NEK10: variants seen among roughly 807,000 people sequenced by gnomAD.
NEK10 encodes the protein NIMA related kinase 10.
In NEK10, 122 loss-of-function variants were observed where a neutral mutation model predicts 159.8. The observed-to-expected ratio is 0.76, with a 90% CI of 0.66 to 0.89. The LOEUF (loss-of-function observed/expected upper bound fraction) is 0.89, where lower values mean the gene tolerates loss of function less well. Among genes scored for constraint, NEK10 ranks in the 40% least tolerant of loss-of-function variants. The pLI is 0.00. For missense variants in NEK10, 1,342 were observed against 1,323.1 expected (o/e 1.01, Z -0.22); for synonymous variants, 466 against 457.1 (o/e 1.02, Z -0.25).
chr3:27,288,057 A>G (rs994072457), intron 19 of NEK10, among the ~76,000 whole-genome samples: 1 of 152,216 alleles, frequency 6.6e-6, no homozygotes, highest in Non-Finnish European at 1.5e-5. Context: ...TTCCTTTAGC[A>G]CACCTTGTCA....
At chr3:27,192,806 C>T (rs1337723162) in intron 25 of NEK10, among the ~76,000 whole-genome samples, 3 of 152,178 alleles carry the variant, frequency 2.0e-5, no homozygotes, top group Non-Finnish European at 4.4e-5. Context: ...AAATGACCTT[C>T]GTTCTCCTAG....
rs200939288 is a variant in NEK10 at position 27,262,132 on chromosome 3, TTTTC to T, written c.2015-5765_2015-5762del. 8.6e-3 allele frequency among the ~76,000 whole-genome samples: 1,311 copies of T among 152,284 alleles called. 19 individuals carry two copies. Among genetic ancestry groups the T allele is most frequent in the African/African-American group, 0.029 (1,203 of 41,560 alleles). ...CTATGAAATTCTGGGTTGAAAATTC[TTTTC>T]TTTAAGAATGTTGAATATTGGCCCC... On this transcript the variant is annotated intron_variant, in intron 22 of 35. Transcript: ENST00000691995.
chr3:27,262,558 T>C (rs2040508983), intron 22 of NEK10, among the ~76,000 whole-genome samples: 1 of 152,206 alleles, frequency 6.6e-6, no homozygotes, highest in South Asian at 2.1e-4. Flanking sequence ...TCTAAACTTC[T>C]CTTCTCGCTT....
At chr3:27,243,429 C>T (rs1448897773) in intron 23 of NEK10, among the ~76,000 whole-genome samples, 3 of 151,888 alleles carry the variant, frequency 2.0e-5, no homozygotes, top group African/African-American at 7.3e-5. Flanking sequence ...GGTAATTTCA[C>T]TTTCATATTT....
At chr3:27,211,164 A>G (rs1243978536) in intron 23 of NEK10, among the ~76,000 whole-genome samples, 1 of 152,234 alleles carries the variant, frequency 6.6e-6, no homozygotes, top group Non-Finnish European at 1.5e-5. Flanking sequence ...GGATCAGTGG[A>G]CATTGACAGA....
rs572454509 is a variant in NEK10 at position 27,122,756 on chromosome 3, G to T, written c.3082-2888C>A. Among the ~76,000 whole-genome samples, 7 of 152,198 alleles carry T rather than the reference G, an allele frequency of 4.6e-5. No individual in the cohort carries two copies. In the South Asian group the frequency reaches 1.5e-3, roughly 32 times the overall value. On this transcript the variant is annotated intron_variant, in intron 32 of 35. Transcript: ENST00000691995. ...ACCTTGGAATTCTAAAGATTTCAAAGACAGAAAGATATTTAAAGCCTCAAA... is the reference window on the plus strand; with the variant it reads ...ACCTTGGAATTCTAAAGATTTCAAATACAGAAAGATATTTAAAGCCTCAAA...
chr3:27,178,955 A>G (rs909051368), intron 26 of NEK10, among the ~76,000 whole-genome samples: 1 of 152,172 alleles, frequency 6.6e-6, no homozygotes, highest in African/African-American at 2.4e-5. Context: ...TTTTTTAGAA[A>G]TAGGTTCTCA....
intron 30 of NEK10, among the ~76,000 whole-genome samples, chr3:27,156,364 A>C (rs1299010871): frequency 6.6e-6 from 1 of 152,180 alleles, no homozygotes; most frequent in Non-Finnish European, 1.5e-5. Flanking sequence ...GTAAACAGAC[A>C]ACCCACAGAG....
At chr3:27,123,024 T>C (rs565174957) in intron 32 of NEK10, among the ~76,000 whole-genome samples, 1 of 152,312 alleles carries the variant, frequency 6.6e-6, no homozygotes, top group South Asian at 2.1e-4. Flanking sequence ...ACTTTCATTC[T>C]AGGAACTTCC....
intron 1 of NEK10, among the ~76,000 whole-genome samples, chr3:27,355,511 G>T (rs902173639): frequency 6.6e-6 from 1 of 151,808 alleles, no homozygotes; most frequent in African/African-American, 2.4e-5. Flanking sequence ...AAAGTTCAGG[G>T]GACATTCTTG....
At chr3:27,264,937 T>TA (rs771327030) in intron 22 of NEK10, among the ~76,000 whole-genome samples, 7 of 142,280 alleles carry the variant, frequency 4.9e-5, no homozygotes, top group Non-Finnish European at 6.2e-5. Flanking sequence ...AATAAATAAA[T>TA]AATAATTTTA....
At chr3:27,339,373 C>CA (rs891744342) in intron 5 of NEK10, among the ~76,000 whole-genome samples, 1 of 152,066 alleles carries the variant, frequency 6.6e-6, no homozygotes, top group African/African-American at 2.4e-5. Flanking sequence ...ACAACCCTAT[C>CA]AAAAAATGGG....
At chr3:27,215,943 G>GC (rs1213209154) in intron 23 of NEK10, 2 of 590,776 alleles carry the variant, frequency 3.4e-6, no homozygotes, top group Non-Finnish European at 6.2e-6. Flanking sequence ...GGAGAAATTC[G>GC]CCCCCATAAT....
Position 27,283,756 on chromosome 3 carries a change from A to C in NEK10, c.2014+846T>G, listed in dbSNP as rs557582550. Among the ~76,000 whole-genome samples the C allele has an allele frequency of 2.6e-5, 4 of 152,306 alleles. No homozygotes were observed. In the East Asian group the frequency reaches 7.7e-4, roughly 29 times the overall value. ...ACATCAGGCCTACCTGCTACAGATG[A>C]AGTAAATTGTGATAAAAACTCTATG... On this transcript the variant is annotated intron_variant, in intron 22 of 35. Coordinates refer to ENST00000691995, the MANE Select transcript of NEK10 (RefSeq NM_001394966.1).
At chr3:27,307,095 C>T (rs2044304469) in intron 11 of NEK10, among the ~76,000 whole-genome samples, 1 of 152,184 alleles carries the variant, frequency 6.6e-6, no homozygotes, top group South Asian at 2.1e-4. Context: ...ATATTTATAA[C>T]TTATTCATCT....
At chr3:27,285,002 A>C (rs759935903) in intron 20 of NEK10, 41 bp from the exon 21 acceptor site, 2 of 1,510,446 alleles carry the variant, frequency 1.3e-6, no homozygotes, top group South Asian at 1.2e-5. Context: ...TTTAAACTCA[A>C]TACAGGCATC....
chr3:27,310,341 G>C (rs2044592041), intron 9 of NEK10: 1 of 152,070 alleles, frequency 6.6e-6, no homozygotes, highest in Non-Finnish European at 1.5e-5. Context: ...AAAAAATGTT[G>C]ACCTGTGTAT....
chr3:27,202,396 A>G, intron 24 of NEK10, 32 bp downstream of exon 24: 1 of 1,583,618 alleles, frequency 6.3e-7, no homozygotes, highest in Middle Eastern at 1.7e-4. Context: ...TTTTAGCTAC[A>G]CGAGACCCTT....
intron 23 of NEK10, among the ~76,000 whole-genome samples, chr3:27,210,254 C>A (rs1256501783): frequency 2.0e-5 from 3 of 151,548 alleles, no homozygotes; most frequent in Admixed American, 6.6e-5. Context: ...CTGGTGCAGA[C>A]TTTCTGCAGA....
Sources: allele counts gnomAD v4.1 joint callset (sites outside exome capture counted in the v4.1 genomes callset), GRCh38; gene constraint gnomAD v4.1.1; transcripts MANE v1.5; gene names NCBI Gene and HGNC (gene_info 2026-07-23, HGNC 2026-07-21).